The following MTHFD2L variants were observed in gnomAD, a reference collection of about 807,000 sequenced individuals.
The protein encoded by MTHFD2L is methylenetetrahydrofolate dehydrogenase (NADP+ dependent) 2 like, also known as bifunctional methylenetetrahydrofolate dehydrogenase/cyclohydrolase 2, mitochondrial.
MTHFD2L carries 29 observed loss-of-function variants against 34.9 expected under a neutral mutation model. That is an observed-to-expected ratio of 0.83 (90% confidence interval 0.62 to 1.13). MTHFD2L has a LOEUF of 1.13. Ranked by LOEUF, MTHFD2L falls within the 50% of genes most tolerant of loss-of-function variation. The probability of loss-of-function intolerance (pLI) is 0.00; values close to 1 mark genes in which losing one functional copy is unlikely to be tolerated. For missense variants in MTHFD2L, 481 were observed against 446.5 expected (o/e 1.08, Z -0.70); for synonymous variants, 167 against 155.7 (o/e 1.07, Z -0.54).
At position 74,281,641 on chromosome 4, in the gene MTHFD2L, ATTATTAAC is replaced by A. The variant is rs1377604806; in HGVS notation, c.931+99_931+106del. The A allele has an allele frequency of 2.0e-5, 25 of 1,279,814 alleles. No homozygotes were observed. In the East Asian group the frequency reaches 5.8e-4, roughly 30 times the overall value. The allele number at this position is 1,279,814 out of a possible 1,614,324, so 79.3% of individuals were successfully genotyped here. On this transcript the variant is annotated intron_variant, in intron 7 of 7. Transcript: ENST00000325278. The stretch of plus-strand genomic sequence containing the variant: ...ATAGAGAAGTTTCATTTATGGAGGA[ATTATTAAC>A]TTATTAATCATCACCTCTTTCTTCT...
intron 4 of MTHFD2L, among the ~76,000 whole-genome samples, chr4:74,201,037 A>G (rs991819073): frequency 5.9e-5 from 9 of 152,174 alleles, no homozygotes; most frequent in African/African-American, 1.9e-4. Flanking sequence ...TCAACTTAAG[A>G]ATGTCTGTGG....
At position 74,204,942 on chromosome 4, in the gene MTHFD2L, C is replaced by T. The variant is rs562776168; in HGVS notation, c.712+3572C>T. Reference sequence around the variant, plus strand: ...CATATATACTTTAAAAAGTATACTTCGTGTTATGAAATATTCTCATTTGAA... The same window carrying T: ...CATATATACTTTAAAAAGTATACTTTGTGTTATGAAATATTCTCATTTGAA... On this transcript the variant is annotated intron_variant, in intron 5 of 7. Transcript: ENST00000325278. 1.2e-4 allele frequency among the ~76,000 whole-genome samples: 18 copies of T among 151,988 alleles called. No individual in the cohort carries two copies. The South Asian group carries it at 1.7e-3, about 14-fold the overall frequency.
intron 6 of MTHFD2L, among the ~76,000 whole-genome samples, chr4:74,251,146 A>G (rs10018373): frequency 0.18 from 27,809 of 152,158 alleles, 2,556 homozygotes; most frequent in Non-Finnish European, 0.21. Context: ...AACAATAAAT[A>G]GTATGCTGGG....
rs1439328046 is a variant in MTHFD2L, at chr4:74,158,179, G to T, written c.41G>T (p.Arg14Leu). 1.3e-6 allele frequency: 2 copies of T among 1,526,912 alleles called. No individual in the cohort carries two copies. The highest frequency in any genetic ancestry group is 8.8e-7 in the Non-Finnish European group (1 of 1,138,226). The allele number at this position is 1,526,912 out of a possible 1,614,324, so 94.6% of individuals were successfully genotyped here. Residue 14 changes from arginine to leucine, a missense_variant, in exon 1 of 8, where the codon CGC (arginine) becomes CTC (leucine). Physicochemically the swap from Arg to Leu is moderately radical, Grantham distance 102. Transcript: ENST00000325278. ...CGCGGCTTCTCGCTGCTCCGCGGCC[G>T]CCTTGGCCGAGCGCCGGCGTTGGGC... ...PVRGFSLLRG[R>L]LGRAPALGRS...
chr4:74,240,144 G>T (rs908966468), intron 6 of MTHFD2L, among the ~76,000 whole-genome samples: 1 of 152,158 alleles, frequency 6.6e-6, no homozygotes, highest in Non-Finnish European at 1.5e-5. Flanking sequence ...ATTTTATGAC[G>T]TTATAGTGGA....
chr4:74,189,178 C>G (rs1217415026), intron 3 of MTHFD2L, among the ~76,000 whole-genome samples: 5 of 152,056 alleles, frequency 3.3e-5, no homozygotes, highest in African/African-American at 1.2e-4. Context: ...GTGTTTGGAC[C>G]AATATTGAGG....
chr4:74,242,571 G>A (rs766122062), intron 6 of MTHFD2L, among the ~76,000 whole-genome samples: 7 of 152,086 alleles, frequency 4.6e-5, no homozygotes, highest in Admixed American at 1.3e-4. Context: ...GCTTATGATC[G>A]TACAATAAAC....
chr4:74,179,149 G>A (rs1018951855), intron 3 of MTHFD2L, among the ~76,000 whole-genome samples: 4 of 152,046 alleles, frequency 2.6e-5, no homozygotes, highest in African/African-American at 9.7e-5. Context: ...GTTAGTAAAT[G>A]GTAGAGCCAA....
chr4:74,132,850 C>T (rs1238544499), intron 1 of MTHFD2L, among the ~76,000 whole-genome samples: 4 of 152,124 alleles, frequency 2.6e-5, no homozygotes, highest in East Asian at 1.9e-4. Context: ...AGGTTGTTGT[C>T]GCTATTATTG....
intron 1 of MTHFD2L, among the ~76,000 whole-genome samples, chr4:74,143,871 A>G (rs1723429219): frequency 6.6e-6 from 1 of 152,186 alleles, no homozygotes; most frequent in African/African-American, 2.4e-5. Context: ...ATTTATATGA[A>G]TATATTTTTA....
intron 5 of MTHFD2L, among the ~76,000 whole-genome samples, chr4:74,210,834 C>G (rs1256337565): frequency 1.3e-5 from 2 of 152,074 alleles, no homozygotes; most frequent in African/African-American, 4.8e-5. Flanking sequence ...GAATATTTTT[C>G]CATTTGTTTG....
intron 1 of MTHFD2L, among the ~76,000 whole-genome samples, chr4:74,162,602 A>C (rs1429551104): frequency 1.3e-5 from 2 of 151,854 alleles, no homozygotes; most frequent in Non-Finnish European, 2.9e-5. Context: ...TGAAAAATAC[A>C]ATTTTCTTAA....
At chr4:74,128,011 T>A (rs1035896737) in intron 1 of MTHFD2L, among the ~76,000 whole-genome samples, 4 of 152,120 alleles carry the variant, frequency 2.6e-5, no homozygotes, top group Admixed American at 2.0e-4. Flanking sequence ...ATGTTGAGTA[T>A]TTTTTTCATA....
intron 7 of MTHFD2L, among the ~76,000 whole-genome samples, chr4:74,282,065 C>T (rs1205715992): frequency 6.6e-6 from 1 of 151,972 alleles, no homozygotes; most frequent in Non-Finnish European, 1.5e-5. Flanking sequence ...AGAAAAGGAA[C>T]TAAGCTAAAG....
intron 6 of MTHFD2L, among the ~76,000 whole-genome samples, chr4:74,277,707 A>G (rs558684682): frequency 2.0e-5 from 3 of 152,212 alleles, no homozygotes; most frequent in African/African-American, 7.2e-5. Context: ...CTTCTCTCCA[A>G]AACCATATAG....
At chr4:74,194,026 A>C (rs1288465986) in intron 3 of MTHFD2L, 1 of 152,132 alleles carries the variant, frequency 6.6e-6, no homozygotes, top group Admixed American at 6.6e-5. Context: ...GTAGGATGTT[A>C]ATTGTAAAGT....
intron 1 of MTHFD2L, among the ~76,000 whole-genome samples, chr4:74,126,806 A>T (rs1424518059): frequency 6.6e-6 from 1 of 152,032 alleles, no homozygotes; most frequent in African/African-American, 2.4e-5. Flanking sequence ...ATAGATGTAC[A>T]TATTTTGGGG....
intron 3 of MTHFD2L, among the ~76,000 whole-genome samples, chr4:74,186,917 C>T (rs1403760239): frequency 1.3e-5 from 2 of 151,932 alleles, no homozygotes; most frequent in Non-Finnish European, 2.9e-5. Context: ...AGTTATAAAG[C>T]TACAGTAAGC....
At chr4:74,128,420 T>G (rs1722229205) in intron 1 of MTHFD2L, among the ~76,000 whole-genome samples, 1 of 152,064 alleles carries the variant, frequency 6.6e-6, no homozygotes, top group Admixed American at 6.6e-5. Context: ...GGGTCTAATT[T>G]CACTCTATGC....
Sources: gnomAD v4.1 joint callset for allele counts (sites outside exome capture counted in the v4.1 genomes callset) on GRCh38, gnomAD v4.1.1 for gene constraint, MANE v1.5 for transcripts, NCBI Gene and HGNC (gene_info 2026-07-23, HGNC 2026-07-21) for gene names.